The following WBP11 variants were observed in gnomAD, a reference collection of about 807,000 sequenced individuals.
WBP11 encodes the protein WW domain binding protein 11, also known as WW domain-binding protein 11.
WBP11 carries 12 observed loss-of-function variants against 66.7 expected under a neutral mutation model. That is an observed-to-expected ratio of 0.18 (90% CI 0.12 to 0.29). The LOEUF is 0.29. Among genes scored for constraint, WBP11 ranks in the 10% least tolerant of loss-of-function variants. The pLI, the probability that WBP11 is intolerant of heterozygous loss-of-function variation, is 1.00. For synonymous variants in WBP11, 255 were observed against 273.8 expected (o/e 0.93, Z 0.68); for missense variants, 555 against 818.3 (o/e 0.68, Z 3.93).
In WBP11 at chr12:14,790,583, C is replaced by T. The variant is rs7971396; in HGVS notation, c.1182G>A (p.Pro394=). ...GTATCTGAGAAGGAGGAACAGACTG[C>T]GGCGGAGCCTGCTGCTGTGAAGAAG... The part of the protein sequence containing the change: ...STASSQQQAP[P]QSVPPSQIQA... The change falls in exon 10 of 12, where the codon CCG becomes CCA. Residue 394 remains proline, a synonymous_variant. Coordinates refer to ENST00000261167, the MANE Select transcript of WBP11 (RefSeq NM_016312.3). 2.3e-3 allele frequency: 3,663 copies of T among 1,613,948 alleles called. 75 individuals carry two copies. In the African/African-American group the frequency reaches 0.041, roughly 18 times the overall value.
chr12:14,799,252 T>C (rs569920860), intron 4 of WBP11, among the ~76,000 whole-genome samples: 41 of 152,264 alleles, frequency 2.7e-4, no homozygotes, highest in African/African-American at 7.5e-4. Flanking sequence ...AATTGCCTTA[T>C]ATTCACAGGG....
At position 14,795,063 on chromosome 12, in the gene WBP11, A is replaced by G; in HGVS notation, c.429T>C (p.Asp143=). Residue 143 remains aspartate, a synonymous_variant, in exon 6 of 12, where the codon GAT becomes GAC. Coordinates refer to ENST00000261167, the MANE Select transcript of WBP11 (RefSeq NM_016312.3). ...HVEVESIPLP[D]MPHAPSNILI... ...AAATGTTGGAAGGAGCATGTGGCAT[A>G]TCTGGCAAAGGAATACTCTCCACTT... 6.2e-7 allele frequency: 1 copy of G among 1,613,302 alleles called. No individual in the cohort carries two copies. The highest frequency in any genetic ancestry group is 8.5e-7 in the Non-Finnish European group (1 of 1,179,904).
At chr12:14,797,659 A>G (rs1949909118) in intron 4 of WBP11, among the ~76,000 whole-genome samples, 1 of 152,218 alleles carries the variant, frequency 6.6e-6, no homozygotes, top group South Asian at 2.1e-4. Context: ...TGAATGACTC[A>G]GAGATCAATT....
At position 14,787,431 on chromosome 12, in the gene WBP11, A is replaced by AG. The variant is rs767139774; in HGVS notation, c.1559dup (p.Gly521TrpfsTer28). Reference sequence around the variant, plus strand: ...GCAAGGGAGCTGGTGGGAACAGCCCAGGGGGGGCAGGTCCAAGGGGAGGCA... The same window carrying AG: ...GCAAGGGAGCTGGTGGGAACAGCCCAGGGGGGGGCAGGTCCAAGGGGAGGCA... On this transcript the variant is annotated frameshift_variant, in exon 12 of 12. Coordinates refer to ENST00000261167, the MANE Select transcript of WBP11 (RefSeq NM_016312.3). LOFTEE classifies it high-confidence loss of function. 6.4e-7 allele frequency: 1 copy of AG among 1,551,338 alleles called. No homozygotes were observed.
Position 14,791,208 on chromosome 12 carries a change from C to T in WBP11, c.976G>A (p.Glu326Lys). 1.2e-6 allele frequency: 2 copies of T among 1,614,104 alleles called. No individual in the cohort carries two copies. Among genetic ancestry groups the T allele is most frequent in the Non-Finnish European group, 1.7e-6 (2 of 1,180,024 alleles). The stretch of plus-strand genomic sequence containing the variant: ...ATCATGGCTTGAAGAGGAGTCAGTT[C>T]CTTCATGTTCTTCTTTTTCTTCCTT... ...KSRKKKKNMK[E>K]LTPLQAMMLR... is the part of the protein sequence containing the mutation. The change falls in exon 9 of 12, where the codon GAA becomes AAA. Residue 326 changes from glutamate (E) to lysine (K), a missense_variant. Physicochemically the swap from Glu to Lys is moderately conservative, Grantham distance 56. This residue lies in a region of WBP11 where 220 missense variants were observed against 268.2 expected (regional missense o/e 0.82). Coordinates refer to ENST00000261167, the MANE Select transcript of WBP11 (RefSeq NM_016312.3).
chr12:14,794,261 G>A lies in WBP11; in HGVS notation c.721+276C>T, dbSNP rs112900813. Among the ~76,000 whole-genome samples, 456 of 152,200 alleles carry A rather than the reference G, an allele frequency of 3.0e-3. 1 individual carries two copies. Among genetic ancestry groups the A allele is most frequent in the Non-Finnish European group, 5.2e-3 (353 of 68,000 alleles). ...GACGCTCTAGTCTGATGACAATAAA[G>A]CTAAAAGGGAACCAGATATACAAGT... On this transcript the variant is annotated intron_variant, in intron 7 of 11. Coordinates refer to ENST00000261167, the MANE Select transcript of WBP11 (RefSeq NM_016312.3).
At chr12:14,788,857 T>C in intron 11 of WBP11, 94 bp downstream of exon 11, 1 of 691,034 alleles carries the variant, frequency 1.4e-6, no homozygotes, top group Non-Finnish European at 2.2e-6. Flanking sequence ...TAAGATGACC[T>C]CAGATTTCAG....
chr12:14,801,246 G>A, intron 2 of WBP11, 74 bp downstream of exon 2: 1 of 1,455,426 alleles, frequency 6.9e-7, no homozygotes, highest in East Asian at 2.3e-5. Flanking sequence ...TTAAGCCACA[G>A]AGAAAGAAAT....
At chr12:14,794,075 A>C (rs1413444420) in intron 7 of WBP11, among the ~76,000 whole-genome samples, 153 bp from the exon 8 acceptor site, 1 of 151,364 alleles carries the variant, frequency 6.6e-6, no homozygotes, top group African/African-American at 2.4e-5. Flanking sequence ...ATATATAGCT[A>C]CTCATACAGT....
intron 9 of WBP11, among the ~76,000 whole-genome samples, 164 bp downstream of exon 9, chr12:14,791,005 T>C (rs1301302870): frequency 6.6e-6 from 1 of 152,230 alleles, no homozygotes; most frequent in African/African-American, 2.4e-5. Flanking sequence ...TTACTTGCTG[T>C]GTAACTTTAG....
intron 5 of WBP11, among the ~76,000 whole-genome samples, chr12:14,795,433 T>C (rs1949882045): frequency 6.6e-6 from 1 of 152,184 alleles, no homozygotes; most frequent in African/African-American, 2.4e-5. Flanking sequence ...TAACATGTGA[T>C]AGAAAAATAC....
At position 14,793,473 on chromosome 12, in the gene WBP11, A is replaced by G. The variant is rs1949847288; in HGVS notation, c.913+258T>C. On this transcript the variant is annotated intron_variant, in intron 8 of 11. Transcript: ENST00000261167. ...CCATAATACGTTTATGCTGTTGAATAGTTATACCTTTTACCCCAAAGTGAA... is the reference window on the plus strand; with the variant it reads ...CCATAATACGTTTATGCTGTTGAATGGTTATACCTTTTACCCCAAAGTGAA... 2.6e-5 allele frequency among the ~76,000 whole-genome samples: 4 copies of G among 152,190 alleles called. No homozygotes were observed. The South Asian group carries it at 8.3e-4, about 32-fold the overall frequency.
chr12:14,787,468 C>A lies in WBP11; in HGVS notation c.1523G>T (p.Arg508Leu). The A allele has an allele frequency of 6.6e-7, 1 of 1,514,004 alleles. No individual in the cohort carries two copies. The highest frequency in any genetic ancestry group is 8.8e-7 in the Non-Finnish European group (1 of 1,130,532). 93.8% of individuals were successfully genotyped at this position (1,514,004 alleles called of 1,614,324 possible). Residue 508 changes from arginine to leucine, a missense_variant, in exon 12 of 12, where the codon CGC (arginine) becomes CTC (leucine). Around this residue, in one of 6 missense-constraint regions of WBP11, gnomAD observed 230 missense variants for 286.3 expected, o/e 0.80. Transcript: ENST00000261167. ...TCCAAGGGGAGGCACCAAAGGTGGG[C>A]GCATCATGCCAGGACGAGGTGGAGG... is the stretch of plus-strand genomic sequence containing the variant. ...GIPPPRPGMM[R>L]PPLVPPLGPA... is the part of the protein sequence containing the mutation.
rs1312107426 is a variant in WBP11 at position 14,786,121 on chromosome 12, C to T, written c.*944G>A. ...GAAAAAAAGCTAACCTCTTCTGATT[C>T]TTTTATAGCTTAAAAATGGTTTAAA... On this transcript the variant is annotated 3_prime_UTR_variant, in exon 12 of 12. Transcript: ENST00000261167. 1.3e-5 allele frequency: 2 copies of T among 152,172 alleles called. No homozygotes were observed. Among genetic ancestry groups the T allele is most frequent in the Non-Finnish European group, 2.9e-5 (2 of 68,000 alleles). The allele number at this position is 152,172 out of a possible 1,614,324, so 9.4% of individuals were successfully genotyped here.
Position 14,787,083 on chromosome 12 carries a change from C to T in WBP11, c.1908G>A (p.Glu636=). 1 of 1,612,846 alleles carries T rather than the reference C, an allele frequency of 6.2e-7. No individual in the cohort carries two copies. The highest frequency in any genetic ancestry group is 1.1e-5 in the South Asian group (1 of 91,048). The change falls in exon 12 of 12, where the codon GAG becomes GAA. Residue 636 remains glutamate (E), a synonymous_variant. Coordinates refer to ENST00000261167, the MANE Select transcript of WBP11 (RefSeq NM_016312.3). ...AAAGCTGTCACAGTAGCCCTTCCAT[C>T]TCTTTCATGAAAGCCTCATAGACAT... ...KDDVYEAFMK[E]MEGLL
At chr12:14,799,557 G>C (rs1478323532) in intron 4 of WBP11, 78 bp downstream of exon 4, 1 of 1,324,220 alleles carries the variant, frequency 7.6e-7, no homozygotes, top group African/African-American at 1.5e-5. Context: ...TTTTACTTAC[G>C]CCTATGCTGC....
At chr12:14,802,987 C>G (rs1020547026) in intron 1 of WBP11, among the ~76,000 whole-genome samples, 1 of 152,174 alleles carries the variant, frequency 6.6e-6, no homozygotes, top group Non-Finnish European at 1.5e-5. Context: ...CGTTGGATAA[C>G]TCTAAACAGC....
rs1668893943 is a variant in WBP11 at position 14,788,997 on chromosome 12, G to A, written c.1446C>T (p.Pro482=). The A allele has an allele frequency of 6.8e-7, 1 of 1,478,502 alleles. No individual in the cohort carries two copies. Among genetic ancestry groups the A allele is most frequent in the South Asian group, 1.4e-5 (1 of 69,416 alleles). The allele number at this position is 1,478,502 out of a possible 1,614,324, so 91.6% of individuals were successfully genotyped here. A position where few individuals can be genotyped will look rare whatever the true frequency, so the allele number is the denominator to read the frequency against. ...PGPPPGLPPG[P]PPRGPPPRLP... Reference sequence around the variant, plus strand: ...GCCTTGGTGGGGGTCCACGAGGAGGGGGACCAGGAGGCAGACCTGGAGGTG... The same window carrying A: ...GCCTTGGTGGGGGTCCACGAGGAGGAGGACCAGGAGGCAGACCTGGAGGTG... Residue 482 remains proline, a synonymous_variant, in exon 11 of 12, where the codon CCC becomes CCT. Transcript: ENST00000261167.
In WBP11 at chr12:14,785,307, T is replaced by C. The variant is rs1288712726; in HGVS notation, c.*1758A>G. 1 of 152,158 alleles carries C rather than the reference T, an allele frequency of 6.6e-6. No individual in the cohort carries two copies. Among genetic ancestry groups the C allele is most frequent in the African/African-American group, 2.4e-5 (1 of 41,432 alleles). The allele number at this position is 152,158 out of a possible 1,614,324, so 9.4% of individuals were successfully genotyped here. ...ATAAAAACATCACTCCCAGAAAGAA[T>C]ATAAGTTTCAAGTAAGACCATTAAA... On this transcript the variant is annotated 3_prime_UTR_variant, in exon 12 of 12. Transcript: ENST00000261167.
Sources: gnomAD v4.1 joint callset for allele counts (sites outside exome capture counted in the v4.1 genomes callset) on GRCh38, gnomAD v4.1.1 for gene constraint, gnomAD v4.1.1 regional missense constraint, MANE v1.5 for transcripts, NCBI Gene and HGNC (gene_info 2026-07-23, HGNC 2026-07-21) for gene names.